The following ADGRB3 variants were observed in gnomAD, a reference collection of about 807,000 sequenced individuals.
The protein encoded by ADGRB3 is brain-specific angiogenesis inhibitor 3.
ADGRB3 carries 37 observed loss-of-function variants against 193.4 expected under a neutral mutation model. The observed-to-expected ratio is 0.19, with a 90% CI of 0.15 to 0.25. The LOEUF is 0.25. Among genes scored for constraint, ADGRB3 ranks in the 10% least tolerant of loss-of-function variants. The pLI, the probability that ADGRB3 is intolerant of heterozygous loss-of-function variation, is 1.00. For synonymous variants in ADGRB3, 690 were observed against 644.2 expected (o/e 1.07, Z -1.08); for missense variants, 1,637 against 1,852.9 (o/e 0.88, Z 2.14).
At chr6:68,742,401 C>A (rs962525432) in intron 3 of ADGRB3, among the ~76,000 whole-genome samples, 1 of 150,354 alleles carries the variant, frequency 6.7e-6, no homozygotes, top group Non-Finnish European at 1.5e-5. Flanking sequence ...TGGGTCTTGA[C>A]TCTGACAGAG....
At chr6:69,233,106 A>G (rs764082750) in intron 17 of ADGRB3, 184 bp from the exon 18 acceptor site, 2 of 845,442 alleles carry the variant, frequency 2.4e-6, no homozygotes, top group Non-Finnish European at 1.8e-6. Flanking sequence ...GCTTTTTCCC[A>G]CTCTCGCTTT....
chr6:68,772,902 T>A (rs1217537867), intron 3 of ADGRB3, among the ~76,000 whole-genome samples: 129 of 20,266 alleles, frequency 6.4e-3, no homozygotes, highest in Admixed American at 7.4e-3. Flanking sequence ...AAAATATATA[T>A]ATATATATAT....
intron 17 of ADGRB3, among the ~76,000 whole-genome samples, chr6:69,145,043 T>C (rs1217390679): frequency 6.6e-6 from 1 of 152,200 alleles, no homozygotes; most frequent in Admixed American, 6.5e-5. Context: ...GATATTAGTG[T>C]TACAGGATCC....
intron 17 of ADGRB3, among the ~76,000 whole-genome samples, chr6:69,226,957 T>A (rs185543379): frequency 6.6e-6 from 1 of 152,362 alleles, no homozygotes; most frequent in East Asian, 1.9e-4. Context: ...TTTTGATCAA[T>A]TCAAGTCACC....
intron 3 of ADGRB3, among the ~76,000 whole-genome samples, chr6:68,846,764 C>T (rs1391555039): frequency 2.0e-5 from 3 of 152,300 alleles, no homozygotes; most frequent in South Asian, 2.1e-4. Context: ...CATGGAGAAC[C>T]TCTGCTAGGA....
chr6:68,893,960 G>C (rs892705562), intron 3 of ADGRB3, among the ~76,000 whole-genome samples: 4 of 151,672 alleles, frequency 2.6e-5, no homozygotes, highest in African/African-American at 9.7e-5. Context: ...TCTTAAATGA[G>C]CATAGATGAT....
At chr6:68,825,675 G>C (rs1482895013) in intron 3 of ADGRB3, among the ~76,000 whole-genome samples, 1 of 152,110 alleles carries the variant, frequency 6.6e-6, no homozygotes, top group East Asian at 1.9e-4. Context: ...CCCCCATGCT[G>C]TTCTCATGAT....
chr6:69,129,483 A>T (rs1346680725), intron 17 of ADGRB3, among the ~76,000 whole-genome samples: 1 of 152,066 alleles, frequency 6.6e-6, no homozygotes, highest in Non-Finnish European at 1.5e-5. Flanking sequence ...AAAAGAGCTT[A>T]AAAAAACATA....
chr6:68,948,200 T>G (rs1767823706), intron 6 of ADGRB3, among the ~76,000 whole-genome samples: 1 of 152,204 alleles, frequency 6.6e-6, no homozygotes, highest in Non-Finnish European at 1.5e-5. Flanking sequence ...AGTTGCACTG[T>G]GACCTTGTTT....
chr6:68,758,212 G>T (rs1349314491), intron 3 of ADGRB3, among the ~76,000 whole-genome samples: 1 of 151,824 alleles, frequency 6.6e-6, no homozygotes, highest in Admixed American at 6.6e-5. Flanking sequence ...CACATTTTTG[G>T]TACATATGAA....
chr6:68,791,512 G>A (rs551427754), intron 3 of ADGRB3, among the ~76,000 whole-genome samples: 1 of 151,840 alleles, frequency 6.6e-6, no homozygotes, highest in Non-Finnish European at 1.5e-5. Flanking sequence ...ATTTCCTCCT[G>A]GGAAAAAAAA....
intron 3 of ADGRB3, among the ~76,000 whole-genome samples, chr6:68,876,952 AG>A (rs1265875498): frequency 6.6e-6 from 1 of 152,090 alleles, no homozygotes; most frequent in African/African-American, 2.4e-5. Flanking sequence ...CTAGGGCTCA[AG>A]TGGCTATATG....
intron 20 of ADGRB3, among the ~76,000 whole-genome samples, chr6:69,293,884 G>A (rs563902248): frequency 2.0e-5 from 3 of 151,976 alleles, no homozygotes; most frequent in African/African-American, 4.8e-5. Flanking sequence ...TTCTTCTGTC[G>A]GAAAGAACAT....
chr6:69,324,779 G>T, intron 20 of ADGRB3, 93 bp from the exon 21 acceptor site: 1 of 1,364,014 alleles, frequency 7.3e-7, no homozygotes, highest in Non-Finnish European at 1.0e-6. Flanking sequence ...TGAAATAAAA[G>T]CAATGAATCA....
chr6:68,867,434 C>T (rs1322762664), intron 3 of ADGRB3, among the ~76,000 whole-genome samples: 1 of 152,174 alleles, frequency 6.6e-6, no homozygotes, highest in Non-Finnish European at 1.5e-5. Flanking sequence ...GATATCCAGG[C>T]AGATGTCTGC....
intron 3 of ADGRB3, among the ~76,000 whole-genome samples, chr6:68,685,434 TA>T (rs1431815389): frequency 6.6e-6 from 1 of 151,960 alleles, no homozygotes; most frequent in African/African-American, 2.4e-5. Context: ...ATAGAAAATT[TA>T]AAGCAATAGA....
intron 3 of ADGRB3, among the ~76,000 whole-genome samples, chr6:68,640,123 C>G (rs900000805): frequency 6.6e-6 from 1 of 152,186 alleles, no homozygotes; most frequent in Admixed American, 6.5e-5. Flanking sequence ...GTTCTGGAGT[C>G]ACCTGAGGAC....
At chr6:69,260,758 C>T (rs933186097) in intron 20 of ADGRB3, among the ~76,000 whole-genome samples, 1 of 152,130 alleles carries the variant, frequency 6.6e-6, no homozygotes, top group Non-Finnish European at 1.5e-5. Flanking sequence ...TTTATATTCT[C>T]ATTTCCTTAT....
chr6:68,782,253 G>A (rs1766868853), intron 3 of ADGRB3, among the ~76,000 whole-genome samples: 1 of 151,146 alleles, frequency 6.6e-6, no homozygotes, highest in South Asian at 2.1e-4. Context: ...ATAGTTTGCT[G>A]AGAATGATGG....
Sources: gnomAD v4.1 joint callset for allele counts (sites outside exome capture counted in the v4.1 genomes callset) on GRCh38, gnomAD v4.1.1 for gene constraint, MANE v1.5 for transcripts, NCBI Gene and HGNC (gene_info 2026-07-23, HGNC 2026-07-21) for gene names.